IPPK: variants seen among roughly 807,000 people sequenced by gnomAD.
IPPK encodes the protein IPK1 homolog.
IPPK carries 22 observed loss-of-function variants against 64.6 expected under a neutral mutation model. That is an observed-to-expected ratio of 0.34 (90% confidence interval 0.24 to 0.49). The LOEUF is 0.49. Ranked by LOEUF, IPPK falls within the 20% of genes least tolerant of loss-of-function variation. The pLI is 0.99. For missense variants in IPPK, 532 were observed against 630.7 expected (o/e 0.84, Z 1.68); for synonymous variants, 262 against 247.2 (o/e 1.06, Z -0.56).
At chr9:92,628,791 C>T (rs1018275125) in intron 11 of IPPK, among the ~76,000 whole-genome samples, 3 of 152,024 alleles carry the variant, frequency 2.0e-5, no homozygotes, top group Non-Finnish European at 4.4e-5. Flanking sequence ...GGAGGAGAAT[C>T]GCTTGAACCC....
intron 1 of IPPK, among the ~76,000 whole-genome samples, chr9:92,666,996 G>A (rs1587648741): frequency 3.3e-5 from 5 of 152,348 alleles, no homozygotes; most frequent in Non-Finnish European, 1.5e-5. Context: ...CAATGACCAT[G>A]CAGATCTCCT....
At chr9:92,636,022 G>A (rs930935397) in intron 9 of IPPK, among the ~76,000 whole-genome samples, 1 of 152,144 alleles carries the variant, frequency 6.6e-6, no homozygotes. Flanking sequence ...GACAGAGGCA[G>A]AAACAAAACT....
intron 1 of IPPK, 90 bp from the exon 2 acceptor site, chr9:92,658,771 C>A: frequency 1.7e-6 from 2 of 1,168,784 alleles, no homozygotes; most frequent in South Asian, 2.5e-5. Context: ...CCTCAGTGGA[C>A]AAAGTCCACA....
At chr9:92,660,687 T>C (rs1162455369) in intron 1 of IPPK, among the ~76,000 whole-genome samples, 1 of 152,040 alleles carries the variant, frequency 6.6e-6, no homozygotes, top group Non-Finnish European at 1.5e-5. Context: ...AGGACCCCCC[T>C]CCCCTGGCAG....
At chr9:92,616,483 A>T (rs578177197) in intron 12 of IPPK, 1 of 159,350 alleles carries the variant, frequency 6.3e-6, no homozygotes, top group East Asian at 1.8e-4. Context: ...AAAACCCAAC[A>T]AAAAGTAAAA....
Position 92,638,115 on chromosome 9 carries a change from C to A in IPPK, c.802G>T (p.Val268Leu). Residue 268 changes from valine (V) to leucine (L), a missense_variant, in exon 9 of 13, where the codon GTG (valine) becomes TTG (leucine). Physicochemically the swap from Val to Leu is conservative, Grantham distance 32 (BLOSUM62 1). Transcript: ENST00000287996. Reference sequence around the variant, plus strand: ...CCCTTGTCCGAGCCACTCAGCAGCACCCGTGTGATCACGTGCACCAGCTCC... The same window carrying A: ...CCCTTGTCCGAGCCACTCAGCAGCAACCGTGTGATCACGTGCACCAGCTCC... ...IRELVHVITR[V>L]LLSGSDKGRA... 1 of 1,614,108 alleles carries A rather than the reference C, an allele frequency of 6.2e-7. No homozygotes were observed. Among genetic ancestry groups the A allele is most frequent in the Non-Finnish European group, 8.5e-7 (1 of 1,180,008 alleles).
rs1461574994 is a variant in IPPK, at chr9:92,670,083, G to A, written c.-95C>T. 4 of 857,226 alleles carry A rather than the reference G, an allele frequency of 4.7e-6. No homozygotes were observed. Among genetic ancestry groups the A allele is most frequent in the Non-Finnish European group, 5.2e-6 (3 of 581,276 alleles). The allele number at this position is 857,226 out of a possible 1,614,324, so 53.1% of individuals were successfully genotyped here. On this transcript the variant is annotated 5_prime_UTR_variant, in exon 1 of 13. Coordinates refer to ENST00000287996, the MANE Select transcript of IPPK (RefSeq NM_022755.6). The stretch of plus-strand genomic sequence containing the variant: ...TGGGAACCAGCCGCTGCGGTCGGGG[G>A]AGGAGCGCCTGTCAGCTGCCGCCCC...
intron 6 of IPPK, among the ~76,000 whole-genome samples, chr9:92,645,268 T>C (rs1464376940): frequency 6.6e-6 from 1 of 152,044 alleles, no homozygotes; most frequent in Non-Finnish European, 1.5e-5. Flanking sequence ...GGTGCGCCTG[T>C]AGTCCCAGCT....
chr9:92,634,980 T>G lies in IPPK; in HGVS notation c.1067+178A>C, dbSNP rs75719455. On this transcript the variant is annotated intron_variant, in intron 10 of 12. Transcript: ENST00000287996. ...AGAAACAAGTGACCCTGTTCCTCCT[T>G]TACAAGGCACTACATTCCAGAGCAG... Among the ~76,000 whole-genome samples the G allele has an allele frequency of 8.9e-3, 1,362 of 152,300 alleles. 22 individuals are homozygous for G. Among genetic ancestry groups the G allele is most frequent in the African/African-American group, 0.031 (1,273 of 41,566 alleles).
intron 4 of IPPK, among the ~76,000 whole-genome samples, chr9:92,650,256 G>A (rs1852237802): frequency 6.6e-6 from 1 of 151,986 alleles, no homozygotes; most frequent in African/African-American, 2.4e-5. Flanking sequence ...CAGAGAGGCA[G>A]AGGAGGTTGC....
At chr9:92,658,163 G>C (rs140320020) in intron 2 of IPPK, among the ~76,000 whole-genome samples, 2 of 152,186 alleles carry the variant, frequency 1.3e-5, no homozygotes, top group Non-Finnish European at 2.9e-5. Context: ...GCTTTTTCAC[G>C]GGTGGTCCAT....
intron 12 of IPPK, chr9:92,619,128 C>G (rs1394290335): frequency 4.1e-6 from 1 of 242,330 alleles, no homozygotes; most frequent in Non-Finnish European, 8.1e-6. Flanking sequence ...GACCGAGGAA[C>G]AAGGGCCACA....
intron 6 of IPPK, among the ~76,000 whole-genome samples, 176 bp downstream of exon 6, chr9:92,647,883 C>T (rs1852179757): frequency 3.3e-5 from 5 of 151,944 alleles, no homozygotes; most frequent in Admixed American, 3.3e-4. Context: ...TGACAGAGAC[C>T]CTGTCTCTAA....
chr9:92,613,211 A>T lies in IPPK; in HGVS notation c.*2621T>A. 1 of 1,601,642 alleles carries T rather than the reference A, an allele frequency of 6.2e-7. No individual in the cohort carries two copies. Among genetic ancestry groups the T allele is most frequent in the Non-Finnish European group, 8.5e-7 (1 of 1,169,612 alleles). ...GTGGAGGAACATGCAATTTTATTCA[A>T]TATAAACATTTGCTATTTTCTGCTT... is the stretch of plus-strand genomic sequence containing the variant. On this transcript the variant is annotated 3_prime_UTR_variant, in exon 13 of 13. Coordinates refer to ENST00000287996, the MANE Select transcript of IPPK (RefSeq NM_022755.6).
Position 92,658,641 on chromosome 9 carries a change from C to T in IPPK, c.122G>A (p.Arg41Lys). ...CAAACCCACCCATCTTACCTTCTTC[C>T]TATTTGGAGGAAACTTCAGAAACCG... ...VLRFLKFPPNRKKTSEEIFQH... is the reference protein window; with the variant it reads ...VLRFLKFPPNKKKTSEEIFQH... Residue 41 changes from arginine to lysine, a missense_variant, in exon 2 of 13, where the codon AGG becomes AAG. Transcript: ENST00000287996. 1 of 1,613,792 alleles carries T rather than the reference C, an allele frequency of 6.2e-7. No homozygotes were observed. The highest frequency in any genetic ancestry group is 8.5e-7 in the Non-Finnish European group (1 of 1,179,676).
intron 1 of IPPK, among the ~76,000 whole-genome samples, chr9:92,667,303 ACTC>A (rs1425545028): frequency 1.3e-5 from 2 of 151,816 alleles, no homozygotes; most frequent in Admixed American, 6.6e-5. Context: ...AAGACCACGG[ACTC>A]CTCCTATTCT....
intron 1 of IPPK, 112 bp from the exon 2 acceptor site, chr9:92,658,793 C>T (rs1249938825): frequency 8.2e-6 from 8 of 976,612 alleles, no homozygotes; most frequent in African/African-American, 8.2e-5. Context: ...TGAAGCTCCA[C>T]AGCAAGGAGG....
chr9:92,646,936 C>T (rs187714947), intron 6 of IPPK, among the ~76,000 whole-genome samples: 59 of 152,042 alleles, frequency 3.9e-4, no homozygotes, highest in African/African-American at 1.4e-3. Context: ...ACACTAAGCC[C>T]AATCCAAGCA....
intron 11 of IPPK, chr9:92,620,278 T>C (rs1009319199): frequency 6.5e-6 from 1 of 153,418 alleles, no homozygotes; most frequent in African/African-American, 2.4e-5. Flanking sequence ...CTGTCCATAC[T>C]GACCAGGGAC....
Sources: allele counts gnomAD v4.1 joint callset (sites outside exome capture counted in the v4.1 genomes callset), GRCh38; gene constraint gnomAD v4.1.1; transcripts MANE v1.5; gene names NCBI Gene and HGNC (gene_info 2026-07-23, HGNC 2026-07-21).